The following RPS6KA2 variants were observed in gnomAD, a reference collection of about 807,000 sequenced individuals.
RPS6KA2 encodes the protein ribosomal protein S6 kinase alpha-2.
RPS6KA2 carries 42 observed loss-of-function variants against 91.8 expected under a neutral mutation model. The observed-to-expected ratio is 0.46, with a 90% CI of 0.36 to 0.59. The LOEUF (loss-of-function observed/expected upper bound fraction) is 0.59, where lower values mean the gene tolerates loss of function less well. Ranked by LOEUF, RPS6KA2 falls within the 20% of genes least tolerant of loss-of-function variation. The probability of loss-of-function intolerance (pLI) is 0.00; values close to 1 mark genes in which losing one functional copy is unlikely to be tolerated. For synonymous variants in RPS6KA2, 414 were observed against 393.6 expected, an observed-to-expected ratio of 1.05 and a Z score of -0.61; for missense variants, 798 against 978.5, an observed-to-expected ratio of 0.82 and a Z score of 2.46.
chr6:166,713,010 CAGG>C (rs764571789), intron 2 of RPS6KA2, among the ~76,000 whole-genome samples: 9 of 152,188 alleles, frequency 5.9e-5, no homozygotes, highest in Non-Finnish European at 1.2e-4. Flanking sequence ...AGGCACAGAT[CAGG>C]AGAACAGGGT....
intron 12 of RPS6KA2, among the ~76,000 whole-genome samples, chr6:166,453,464 A>T (rs1198413708): frequency 2.0e-5 from 3 of 152,198 alleles, no homozygotes; most frequent in Non-Finnish European, 4.4e-5. Flanking sequence ...AACAGCATAT[A>T]AAAAATGCTC....
At chr6:166,548,451 T>C (rs1046325889) in intron 1 of RPS6KA2, among the ~76,000 whole-genome samples, 1 of 152,186 alleles carries the variant, frequency 6.6e-6, no homozygotes, top group Non-Finnish European at 1.5e-5. Flanking sequence ...GTTTGCTACA[T>C]AGCTACAGTA....
At chr6:166,829,373 G>C (rs1011607940) in intron 2 of RPS6KA2, among the ~76,000 whole-genome samples, 4 of 151,898 alleles carry the variant, frequency 2.6e-5, no homozygotes, top group Non-Finnish European at 5.9e-5. Context: ...GGGTGGATCA[G>C]GAAGTCAGGA....
Position 166,727,467 on chromosome 6 carries a change from C to T in RPS6KA2, c.123+130733G>A, listed in dbSNP as rs1790374774. Among the ~76,000 whole-genome samples the T allele has an allele frequency of 2.0e-5, 3 of 151,910 alleles. No individual in the cohort carries two copies. In the South Asian group the frequency reaches 6.2e-4, roughly 32 times the overall value. On this transcript the variant is annotated intron_variant, in intron 2 of 21. Transcript: ENST00000503859. ...TCCTAAAACAACACCAGGGCCAGCA[C>T]CCAGAACATCAGCACCCTCAGGTAT...
intron 2 of RPS6KA2, among the ~76,000 whole-genome samples, chr6:166,723,092 A>G (rs1333269596): frequency 6.6e-6 from 1 of 152,220 alleles, no homozygotes; most frequent in Non-Finnish European, 1.5e-5. Context: ...AGGCCCAAGT[A>G]AAGTTGTCAA....
intron 2 of RPS6KA2, among the ~76,000 whole-genome samples, chr6:166,719,136 G>C (rs540943328): frequency 7.9e-5 from 12 of 152,310 alleles, no homozygotes; most frequent in African/African-American, 2.9e-4. Context: ...ACACGTAAAT[G>C]AATGTGCATG....
In RPS6KA2 at chr6:166,838,889, T is replaced by G. The variant is rs147877183; in HGVS notation, c.123+19311A>C. Among the ~76,000 whole-genome samples the G allele has an allele frequency of 3.6e-5, 5 of 137,702 alleles. No homozygotes were observed. The East Asian group carries it at 9.6e-4, about 27-fold the overall frequency. The allele number at this position is 137,702 out of a possible 152,430, so 90.3% of individuals were successfully genotyped here. A position where few individuals can be genotyped will look rare whatever the true frequency, so the allele number is the denominator to read the frequency against. ...GAGTTTAATCTCACCAGGGCCCTCA[T>G]AAGAGGAAGGCAGCAGGTCAGAGTC... On this transcript the variant is annotated intron_variant, in intron 2 of 21. Coordinates refer to the RPS6KA2 transcript ENST00000503859.
intron 6 of RPS6KA2, among the ~76,000 whole-genome samples, chr6:166,502,631 C>T (rs945881982): frequency 3.3e-5 from 5 of 152,188 alleles, no homozygotes; most frequent in Admixed American, 1.3e-4. Context: ...CACGGCACTC[C>T]GACTTGGAGG....
In RPS6KA2 at chr6:166,533,520, C is replaced by T. The variant is rs917893157; in HGVS notation, c.217-2207G>A. Among the ~76,000 whole-genome samples the T allele has an allele frequency of 4.6e-5, 7 of 152,228 alleles. No individual in the cohort carries two copies. Among genetic ancestry groups the T allele is most frequent in the Admixed American group, 1.3e-4 (2 of 15,288 alleles). ...ATCCTGCAGGTAAGTTGGGCAGTGA[C>T]ACCAGCAAGGGCAGGGGTGTGCCTT... On this transcript the variant is annotated intron_variant, in intron 2 of 20. Transcript: ENST00000265678. The surrounding 1 kb of genome is among the most constrained non-coding windows in gnomAD (Gnocchi z 4.0).
chr6:166,568,713 C>T (rs1032728905), intron 1 of RPS6KA2, among the ~76,000 whole-genome samples: 18 of 143,612 alleles, frequency 1.3e-4, no homozygotes, highest in Non-Finnish European at 2.3e-4. Context: ...CATAAGACTT[C>T]GGAGACCCCA....
chr6:166,748,455 C>T (rs11966361), intron 2 of RPS6KA2, among the ~76,000 whole-genome samples: 98,211 of 151,934 alleles, frequency 0.65, 32,905 homozygotes, highest in African/African-American at 0.84. Flanking sequence ...GGAACTGCGC[C>T]GGGAAAGATG....
At chr6:166,600,089 C>G (rs1002972986) in intron 1 of RPS6KA2, among the ~76,000 whole-genome samples, 7 of 151,712 alleles carry the variant, frequency 4.6e-5, no homozygotes, top group African/African-American at 1.7e-4. Flanking sequence ...CTCACTGCAG[C>G]CTCGAACTCT....
chr6:166,728,400 A>C (rs955592772), intron 2 of RPS6KA2, among the ~76,000 whole-genome samples: 1 of 152,100 alleles, frequency 6.6e-6, no homozygotes, highest in Admixed American at 6.5e-5. Context: ...AGGGTAAGAA[A>C]CTGCTGTCCC....
At chr6:166,687,538 G>A (rs1583021030) in intron 2 of RPS6KA2, among the ~76,000 whole-genome samples, 1 of 152,264 alleles carries the variant, frequency 6.6e-6, no homozygotes, top group Non-Finnish European at 1.5e-5. Flanking sequence ...TGGTTTGGAG[G>A]GAAAATTGTT....
At position 166,770,615 on chromosome 6, in the gene RPS6KA2, GCAAGGCAGCCCCTGCTGTA is replaced by G. The variant is rs1244319755; in HGVS notation, c.123+87566_123+87584del. On this transcript the variant is annotated intron_variant, in intron 2 of 21. Coordinates refer to the RPS6KA2 transcript ENST00000503859. This position sits in a 1 kb window ranked among gnomAD's most constrained non-coding sequence, Gnocchi z 5.1. Reference sequence around the variant, plus strand: ...CAAGATGACATCCTCAGTTTAGCACGCAAGGCAGCCCCTGCTGTACAAGGACATTACTGCACAAAGCACT... The same window carrying G: ...CAAGATGACATCCTCAGTTTAGCACGCAAGGACATTACTGCACAAAGCACT... Among the ~76,000 whole-genome samples the G allele has an allele frequency of 2.0e-5, 3 of 152,160 alleles. No homozygotes were observed. The highest frequency in any genetic ancestry group is 7.2e-5 in the African/African-American group (3 of 41,428).
At chr6:166,544,109 G>C (rs1400028980) in intron 1 of RPS6KA2, among the ~76,000 whole-genome samples, 6 of 152,206 alleles carry the variant, frequency 3.9e-5, no homozygotes, top group Non-Finnish European at 5.9e-5. Flanking sequence ...CTCTAACACA[G>C]GGTTTGGCCT....
At chr6:166,761,245 A>T (rs1778162435) in intron 2 of RPS6KA2, among the ~76,000 whole-genome samples, 1 of 152,084 alleles carries the variant, frequency 6.6e-6, no homozygotes, top group Non-Finnish European at 1.5e-5. Context: ...GGATTTCACC[A>T]TGTTGCCCGG....
intron 1 of RPS6KA2, among the ~76,000 whole-genome samples, chr6:166,860,397 A>C (rs1781018420): frequency 1.3e-5 from 2 of 152,204 alleles, no homozygotes; most frequent in African/African-American, 4.8e-5. Flanking sequence ...GCAGACCATC[A>C]GTCAACTCGG....
chr6:166,483,683 G>A (rs1781313537), intron 10 of RPS6KA2, among the ~76,000 whole-genome samples: 1 of 152,184 alleles, frequency 6.6e-6, no homozygotes, highest in South Asian at 2.1e-4. Context: ...GAGAAGGAAT[G>A]GGTTTGTGCT....
Sources: gnomAD v4.1 joint callset for allele counts (sites outside exome capture counted in the v4.1 genomes callset) on GRCh38, gnomAD v4.1.1 for gene constraint, Gnocchi (gnomAD v3.1) non-coding constraint, MANE v1.5 for transcripts, NCBI Gene and HGNC (gene_info 2026-07-23, HGNC 2026-07-21) for gene names.